The following KDM3B variants were observed in gnomAD, a reference collection of about 807,000 sequenced individuals.
The protein encoded by KDM3B is lysine-specific demethylase 3B.
Under a neutral mutation model 170.0 loss-of-function variants are expected in KDM3B, and 10 were observed. The observed-to-expected ratio is 0.06, with a 90% CI of 0.04 to 0.10. KDM3B has a LOEUF of 0.10. Ranked by LOEUF, KDM3B falls within the 10% of genes least tolerant of loss-of-function variation. KDM3B has a pLI of 1.00. For missense variants in KDM3B, 1,394 were observed against 2,195.2 expected, an observed-to-expected ratio of 0.64 and a Z score of 7.29; for synonymous variants, 831 against 834.8, an observed-to-expected ratio of 1.00 and a Z score of 0.08.
chr5:138,390,577 A>C (rs1018326492), intron 7 of KDM3B, among the ~76,000 whole-genome samples: 8 of 152,220 alleles, frequency 5.3e-5, no homozygotes, highest in Admixed American at 1.3e-4. Flanking sequence ...AATAAATCAA[A>C]ACTTTAACAA....
chr5:138,370,159 T>C (rs773507167), intron 1 of KDM3B, among the ~76,000 whole-genome samples: 1 of 152,250 alleles, frequency 6.6e-6, no homozygotes, highest in Non-Finnish European at 1.5e-5. Context: ...ATATTAAATA[T>C]AGTACAGTTC....
intron 9 of KDM3B, among the ~76,000 whole-genome samples, chr5:138,395,849 C>T (rs1762533290): frequency 1.3e-5 from 2 of 152,000 alleles, no homozygotes; most frequent in Admixed American, 1.3e-4. Context: ...AACTCCTAAC[C>T]TGAGGTGATC....
chr5:138,417,731 A>T, intron 13 of KDM3B, 121 bp downstream of exon 13: 2 of 1,006,002 alleles, frequency 2.0e-6, no homozygotes, highest in South Asian at 3.1e-5. Context: ...CAGGAGATGG[A>T]GAAGCCTTTC....
intron 14 of KDM3B, among the ~76,000 whole-genome samples, chr5:138,420,166 G>T (rs549211911): frequency 2.6e-5 from 4 of 152,194 alleles, no homozygotes; most frequent in Non-Finnish European, 4.4e-5. Context: ...GGGATTATAG[G>T]CGTGAGCCAC....
chr5:138,354,371 T>G (rs1242601513), intron 1 of KDM3B, among the ~76,000 whole-genome samples: 2 of 152,222 alleles, frequency 1.3e-5, no homozygotes, highest in East Asian at 3.8e-4. Context: ...GCGCTTTCTT[T>G]AAAAGATGGC....
intron 4 of KDM3B, among the ~76,000 whole-genome samples, chr5:138,378,934 G>A (rs974809795): frequency 2.0e-5 from 3 of 151,814 alleles, no homozygotes; most frequent in Non-Finnish European, 2.9e-5. Context: ...AGGATATGTG[G>A]GAGAGAGAAA....
rs1373005643 is a variant in KDM3B at position 138,428,066 on chromosome 5, G to A, written c.4733G>A (p.Gly1578Glu). ...NVMVYVGIPI[G>E]EGAHDEEVLK... ...ATGGTGTATGTTGGGATTCCCATCG[G>A]GGAGGGTGCTCATGATGAAGGTATG... The change falls in exon 20 of 24, where the codon GGG becomes GAG. Residue 1578 changes from glycine to glutamate, a missense_variant. Transcript: ENST00000314358. 14 of 1,613,844 alleles carry A rather than the reference G, an allele frequency of 8.7e-6. 1 individual carries two copies. Among genetic ancestry groups the A allele is most frequent in the Non-Finnish European group, 1.2e-5 (14 of 1,179,888 alleles).
chr5:138,419,162 G>A lies in KDM3B; in HGVS notation c.3645G>A (p.Thr1215=), dbSNP rs778573157. ...LKAIRPPCPD[T]APPSSALHWL... ...CCATCAGGCCTCCTTGCCCTGACAC[G>A]GCCCCACCCTCCTCCGCCCTGCACT... Residue 1215 remains threonine (T), a synonymous_variant, in exon 14 of 24, where the codon ACG becomes ACA. Transcript: ENST00000314358. 3.0e-5 allele frequency: 48 copies of A among 1,614,144 alleles called. No individual in the cohort carries two copies. The highest frequency in any genetic ancestry group is 2.0e-4 in the East Asian group (9 of 44,888).
chr5:138,410,110 A>AAAG (rs1762924294), intron 11 of KDM3B, among the ~76,000 whole-genome samples: 1 of 152,042 alleles, frequency 6.6e-6, no homozygotes, highest in South Asian at 2.1e-4. Flanking sequence ...AAAGAAAAGA[A>AAAG]AAGAAAAATA....
At chr5:138,428,189 T>TC (rs1383235235) in intron 20 of KDM3B, 103 bp downstream of exon 20, 1 of 1,193,444 alleles carries the variant, frequency 8.4e-7, no homozygotes. Flanking sequence ...CTTTTTTTTT[T>TC]CTTTTTCTTT....
intron 1 of KDM3B, among the ~76,000 whole-genome samples, chr5:138,357,210 C>T (rs957320000): frequency 1.7e-4 from 26 of 151,864 alleles, no homozygotes; most frequent in African/African-American, 6.0e-4. Context: ...TGGTCTGGAA[C>T]TCCTGGGCTC....
At chr5:138,398,548 C>T (rs1399226963) in intron 10 of KDM3B, among the ~76,000 whole-genome samples, 156 bp downstream of exon 10, 3 of 152,172 alleles carry the variant, frequency 2.0e-5, no homozygotes, top group Non-Finnish European at 4.4e-5. Context: ...GTCGTTGAGA[C>T]CTTAACTATA....
chr5:138,402,560 G>A (rs1297880495), intron 11 of KDM3B, among the ~76,000 whole-genome samples: 5 of 152,204 alleles, frequency 3.3e-5, no homozygotes, highest in Non-Finnish European at 7.4e-5. Flanking sequence ...GGTTAGAATA[G>A]GACCTGACAC....
chr5:138,399,780 T>C (rs1455622982), intron 10 of KDM3B, 80 bp from the exon 11 acceptor site: 1 of 1,317,522 alleles, frequency 7.6e-7, no homozygotes, highest in African/African-American at 1.5e-5. Context: ...CAAAATAGCT[T>C]GAGTAGGGAT....
intron 4 of KDM3B, among the ~76,000 whole-genome samples, chr5:138,378,853 G>A (rs1442668571): frequency 6.6e-6 from 1 of 150,586 alleles, no homozygotes; most frequent in Admixed American, 6.6e-5. Flanking sequence ...AGTTACGGAA[G>A]CTTAATTTTA....
chr5:138,375,043 G>GT (rs774710829), intron 2 of KDM3B, 50 bp from the exon 3 acceptor site: 2 of 1,010,152 alleles, frequency 2.0e-6, no homozygotes, highest in Non-Finnish European at 3.1e-6. Flanking sequence ...TTGAATTGCT[G>GT]TTTTTTTATT....
In KDM3B at chr5:138,425,639, C is replaced by T. The variant is rs1190287895; in HGVS notation, c.4411+57C>T. Reference sequence around the variant, plus strand: ...GCAGACTGGAAAATAAGCATCTATACGCCCAGCTCTGCCCTTGAATAATAA... The same window carrying T: ...GCAGACTGGAAAATAAGCATCTATATGCCCAGCTCTGCCCTTGAATAATAA... On this transcript the variant is annotated intron_variant, in intron 17 of 23. Coordinates refer to ENST00000314358, the MANE Select transcript of KDM3B (RefSeq NM_016604.4). 2.0e-5 allele frequency: 29 copies of T among 1,423,140 alleles called. 1 individual carries two copies. The highest frequency in any genetic ancestry group is 1.4e-4 in the East Asian group (6 of 43,666). 88.2% of individuals were successfully genotyped at this position (1,423,140 alleles called of 1,614,324 possible).
At chr5:138,366,315 G>A (rs188795974) in intron 1 of KDM3B, among the ~76,000 whole-genome samples, 241 of 151,960 alleles carry the variant, frequency 1.6e-3, no homozygotes, top group South Asian at 0.012. Flanking sequence ...TCCCCCCATT[G>A]TCTTTCCTTT....
chr5:138,373,241 G>A (rs760594205), intron 2 of KDM3B, among the ~76,000 whole-genome samples: 102 of 151,984 alleles, frequency 6.7e-4, no homozygotes, highest in Non-Finnish European at 1.2e-3. Flanking sequence ...TTGTGGGGCT[G>A]AGGTGGGAGG....
Sources: allele counts gnomAD v4.1 joint callset (sites outside exome capture counted in the v4.1 genomes callset), GRCh38; gene constraint gnomAD v4.1.1; transcripts MANE v1.5; gene names NCBI Gene and HGNC (gene_info 2026-07-23, HGNC 2026-07-21).